Variants in CRACD observed in about 807,000 individuals in gnomAD.
The protein encoded by CRACD is capping protein-inhibiting regulator of actin dynamics.
CRACD carries 56 observed loss-of-function variants against 106.8 expected under a neutral mutation model. That is an observed-to-expected ratio of 0.52 (90% CI 0.42 to 0.66). The LOEUF is 0.66. Among genes scored for constraint, CRACD ranks in the 30% least tolerant of loss-of-function variants. The pLI is 0.00. For synonymous variants in CRACD, 754 were observed against 670.8 expected (o/e 1.12, Z -1.92); for missense variants, 1,730 against 1,623.2 (o/e 1.07, Z -1.13).
intron 1 of CRACD, among the ~76,000 whole-genome samples, chr4:56,072,180 A>G (rs1732684835): frequency 6.6e-6 from 1 of 151,976 alleles, no homozygotes; most frequent in South Asian, 2.1e-4. Context: ...GGGCCCAGAT[A>G]AAGTGTGAAC....
At chr4:56,312,545 A>G (rs1745230423) in intron 6 of CRACD, among the ~76,000 whole-genome samples, 1 of 152,124 alleles carries the variant, frequency 6.6e-6, no homozygotes, top group Non-Finnish European at 1.5e-5. Flanking sequence ...CCTTCAACAG[A>G]TATTTATTGA....
At chr4:56,177,484 A>G (rs560173187) in intron 1 of CRACD, among the ~76,000 whole-genome samples, 1 of 152,190 alleles carries the variant, frequency 6.6e-6, no homozygotes, top group South Asian at 2.1e-4. Context: ...GGATTTTTGC[A>G]TCTTTTTTAT....
Position 56,296,799 on chromosome 4 carries a change from G to A in CRACD, c.-16-1415G>A, listed in dbSNP as rs555035818. 3.9e-5 allele frequency among the ~76,000 whole-genome samples: 6 copies of A among 152,272 alleles called. No individual in the cohort carries two copies. In the East Asian group the frequency reaches 1.2e-3, roughly 29 times the overall value. On this transcript the variant is annotated intron_variant, in intron 3 of 10. Coordinates refer to ENST00000682029, the MANE Select transcript of CRACD (RefSeq NM_001393381.1). ...TGTGAGGAGCTGGCAGCCTCAGTGT[G>A]TACTCTTTCCCAGAGATAAGTTAGT...
chr4:56,297,027 C>A (rs1744093321), intron 3 of CRACD, among the ~76,000 whole-genome samples: 1 of 151,434 alleles, frequency 6.6e-6, no homozygotes, highest in Non-Finnish European at 1.5e-5. Context: ...TCAAGCGATT[C>A]TCCCATCTGA....
At chr4:56,169,288 TACA>T (rs1736268097) in intron 1 of CRACD, among the ~76,000 whole-genome samples, 1 of 152,198 alleles carries the variant, frequency 6.6e-6, no homozygotes, top group Non-Finnish European at 1.5e-5. Context: ...GCCATATGGT[TACA>T]GTTTTGGGAA....
At chr4:56,141,461 G>A (rs1485932034) in intron 1 of CRACD, among the ~76,000 whole-genome samples, 1 of 151,944 alleles carries the variant, frequency 6.6e-6, no homozygotes, top group Non-Finnish European at 1.5e-5. Flanking sequence ...GCTGGGTGTG[G>A]TGGCTCACAC....
At chr4:56,084,282 T>G (rs1213584107) in intron 1 of CRACD, among the ~76,000 whole-genome samples, 2 of 152,182 alleles carry the variant, frequency 1.3e-5, no homozygotes, top group African/African-American at 4.8e-5. Context: ...CACTCTTTCC[T>G]TTTTCCTTTT....
intron 1 of CRACD, among the ~76,000 whole-genome samples, chr4:56,119,637 A>G (rs1313318392): frequency 6.6e-6 from 1 of 151,760 alleles, no homozygotes; most frequent in Non-Finnish European, 1.5e-5. Context: ...ACCCAGCCCT[A>G]TTCTCAGTTT....
chr4:56,136,276 G>T (rs1024293724), intron 1 of CRACD, among the ~76,000 whole-genome samples: 6 of 152,128 alleles, frequency 3.9e-5, no homozygotes, highest in Non-Finnish European at 8.8e-5. Context: ...GGATAAATAC[G>T]TAGGAGTGAA....
At chr4:56,234,895 G>A (rs1022786378) in intron 2 of CRACD, among the ~76,000 whole-genome samples, 3 of 152,154 alleles carry the variant, frequency 2.0e-5, no homozygotes, top group African/African-American at 7.2e-5. Flanking sequence ...AATTAGTATA[G>A]TGGTGCTATA....
At chr4:56,061,451 C>T (rs959506151) in intron 1 of CRACD, among the ~76,000 whole-genome samples, 6 of 152,018 alleles carry the variant, frequency 3.9e-5, no homozygotes, top group African/African-American at 1.5e-4. Flanking sequence ...GGATTATAGA[C>T]ATGAGCGCCA....
At chr4:56,116,730 A>G (rs1734297846) in intron 1 of CRACD, among the ~76,000 whole-genome samples, 1 of 152,106 alleles carries the variant, frequency 6.6e-6, no homozygotes, top group South Asian at 2.1e-4. Flanking sequence ...TATTTTTTAG[A>G]CGGAGTCTCA....
At chr4:56,245,252 G>T (rs1041632832) in intron 2 of CRACD, among the ~76,000 whole-genome samples, 4 of 152,224 alleles carry the variant, frequency 2.6e-5, no homozygotes, top group African/African-American at 9.6e-5. Flanking sequence ...ATAAATAATT[G>T]TTGAATGAAT....
rs190637569 is a variant in CRACD at position 56,242,668 on chromosome 4, G to T, written c.-188-29653G>T. ...GAGGCGATGGGAGGTCAAGGACAGG[G>T]ATTTTAGGAGAAAACCTGTCCATGG... On this transcript the variant is annotated intron_variant, in intron 2 of 10. Coordinates refer to ENST00000682029, the MANE Select transcript of CRACD (RefSeq NM_001393381.1). Among the ~76,000 whole-genome samples the T allele has an allele frequency of 3.3e-5, 5 of 152,236 alleles. No individual in the cohort carries two copies. In the East Asian group the frequency reaches 5.8e-4, roughly 18 times the overall value.
chr4:56,243,592 T>TA (rs1359999516), intron 2 of CRACD, among the ~76,000 whole-genome samples: 2 of 152,230 alleles, frequency 1.3e-5, no homozygotes, highest in African/African-American at 4.8e-5. Flanking sequence ...TTATCCAGTG[T>TA]AAAATAGCAT....
intron 2 of CRACD, among the ~76,000 whole-genome samples, chr4:56,228,431 A>G (rs1301386551): frequency 2.0e-5 from 3 of 152,216 alleles, no homozygotes; most frequent in South Asian, 4.1e-4. Context: ...GGTTACATCT[A>G]CCAGACACAT....
chr4:56,299,668 CAAA>C (rs745452206), intron 4 of CRACD, among the ~76,000 whole-genome samples: 4 of 130,440 alleles, frequency 3.1e-5, no homozygotes, highest in Admixed American at 1.6e-4. Context: ...AGAGCTTGTC[CAAA>C]AAAAAAAAAA....
rs1736251497 is a variant in CRACD, at chr4:56,168,890, A to C, written c.-335-10394A>C. ...ACTATGGATGAGTAGGTGAATGGGCATGAGAGCTAGCCTGAGAACCTAATG... is the reference window on the plus strand; with the variant it reads ...ACTATGGATGAGTAGGTGAATGGGCCTGAGAGCTAGCCTGAGAACCTAATG... On this transcript the variant is annotated intron_variant, in intron 1 of 10. Transcript: ENST00000682029. 2.0e-5 allele frequency among the ~76,000 whole-genome samples: 3 copies of C among 152,156 alleles called. No homozygotes were observed. In the South Asian group the frequency reaches 6.2e-4, roughly 31 times the overall value.
intron 1 of CRACD, among the ~76,000 whole-genome samples, chr4:56,118,802 A>G (rs1369824260): frequency 6.6e-6 from 1 of 152,170 alleles, no homozygotes; most frequent in Non-Finnish European, 1.5e-5. Flanking sequence ...TTAATGGGGG[A>G]AGAATACAAG....
Sources: gnomAD v4.1 joint callset for allele counts (sites outside exome capture counted in the v4.1 genomes callset) on GRCh38, gnomAD v4.1.1 for gene constraint, MANE v1.5 for transcripts, NCBI Gene and HGNC (gene_info 2026-07-23, HGNC 2026-07-21) for gene names.